GRM1: variants seen among roughly 807,000 people sequenced by gnomAD.
GRM1 encodes the protein glutamate metabotropic receptor 1, also known as metabotropic glutamate receptor 1.
Under a neutral mutation model 90.9 loss-of-function variants are expected in GRM1, and 33 were observed. The observed-to-expected ratio is 0.36, with a 90% CI of 0.28 to 0.49. The LOEUF (loss-of-function observed/expected upper bound fraction) is 0.49. GRM1 is among the 20% of genes least tolerant of loss of function. The probability of loss-of-function intolerance (pLI) is 0.99; values close to 1 mark genes in which losing one functional copy is unlikely to be tolerated. For synonymous variants in GRM1, 700 were observed against 613.2 expected (o/e 1.14, Z -2.09); for missense variants, 1,190 against 1,534.3 (o/e 0.78, Z 3.75).
At chr6:146,199,978 G>A (rs577717234) in intron 2 of GRM1, among the ~76,000 whole-genome samples, 2 of 152,220 alleles carry the variant, frequency 1.3e-5, no homozygotes, top group South Asian at 2.1e-4. Flanking sequence ...ATCTTTAACT[G>A]TTTCTAGGGA....
intron 2 of GRM1, among the ~76,000 whole-genome samples, chr6:146,219,903 TG>T (rs1780000024): frequency 6.7e-6 from 1 of 149,064 alleles, no homozygotes; most frequent in African/African-American, 2.6e-5. Context: ...TGAATCTTGT[TG>T]TTTTGTGTGT....
intron 3 of GRM1, among the ~76,000 whole-genome samples, chr6:146,338,511 A>G (rs1340141581): frequency 6.6e-6 from 1 of 152,214 alleles, no homozygotes; most frequent in African/African-American, 2.4e-5. Flanking sequence ...TATGGCTTAG[A>G]GTAGGACTCA....
intron 3 of GRM1, among the ~76,000 whole-genome samples, chr6:146,306,334 T>G (rs2114930149): frequency 6.6e-6 from 1 of 152,258 alleles, no homozygotes; most frequent in South Asian, 2.1e-4. Context: ...GACAGTCTCC[T>G]TATTTGCAAA....
chr6:146,239,379 A>G (rs1007619188), intron 2 of GRM1, among the ~76,000 whole-genome samples: 2 of 152,126 alleles, frequency 1.3e-5, no homozygotes, highest in African/African-American at 4.8e-5. Context: ...CACACACACT[A>G]TCTACACTGT....
intron 2 of GRM1, among the ~76,000 whole-genome samples, chr6:146,242,817 T>C (rs1780915315): frequency 6.6e-6 from 1 of 152,130 alleles, no homozygotes; most frequent in Non-Finnish European, 1.5e-5. Context: ...AAAAAGAATT[T>C]TACAGCACAC....
At position 146,288,791 on chromosome 6, in the gene GRM1, C is replaced by G. The variant is rs145626894; in HGVS notation, c.951-15820C>G. Among the ~76,000 whole-genome samples the G allele has an allele frequency of 5.0e-3, 763 of 152,218 alleles. 8 individuals are homozygous for G. Among genetic ancestry groups the G allele is most frequent in the Admixed American group, 0.018 (275 of 15,290 alleles). ...AAAGTGCTGGGATTACAGGTGTGAG[C>G]CATCGCGCGGGGCCAGAACATTTTA... is the stretch of plus-strand genomic sequence containing the variant. On this transcript the variant is annotated intron_variant, in intron 2 of 7. Transcript: ENST00000282753.
At chr6:146,368,223 T>G (rs957617260) in intron 5 of GRM1, among the ~76,000 whole-genome samples, 3 of 145,348 alleles carry the variant, frequency 2.1e-5, no homozygotes, top group Admixed American at 6.8e-5. Context: ...TCCTGCAAAT[T>G]TCCTGAATTC....
At chr6:146,393,083 G>A (rs2114554063) in intron 6 of GRM1, among the ~76,000 whole-genome samples, 1 of 152,202 alleles carries the variant, frequency 6.6e-6, no homozygotes, top group African/African-American at 2.4e-5. Context: ...GGTATTTCTG[G>A]TTCTAGATCC....
At chr6:146,181,391 A>G (rs1457413669) in intron 2 of GRM1, among the ~76,000 whole-genome samples, 1 of 152,226 alleles carries the variant, frequency 6.6e-6, no homozygotes, top group African/African-American at 2.4e-5. Flanking sequence ...ATCCTAGGAT[A>G]TGAACATATT....
chr6:146,418,765 A>G (rs1368144094), intron 7 of GRM1, among the ~76,000 whole-genome samples: 2 of 152,124 alleles, frequency 1.3e-5, no homozygotes, highest in Non-Finnish European at 2.9e-5. Context: ...TCATTCATTT[A>G]ACACTCATAA....
At chr6:146,149,781 G>A (rs1335773328) in intron 1 of GRM1, among the ~76,000 whole-genome samples, 1 of 152,132 alleles carries the variant, frequency 6.6e-6, no homozygotes, top group Non-Finnish European at 1.5e-5. Flanking sequence ...CACCCAATTT[G>A]TAGTAAATCC....
chr6:146,224,589 C>G (rs1011905464), intron 2 of GRM1, among the ~76,000 whole-genome samples: 2 of 152,134 alleles, frequency 1.3e-5, no homozygotes, highest in African/African-American at 2.4e-5. Flanking sequence ...AATGAAAAGT[C>G]CTACATTCAC....
At chr6:146,147,564 G>A (rs904292831) in intron 1 of GRM1, among the ~76,000 whole-genome samples, 2 of 152,162 alleles carry the variant, frequency 1.3e-5, no homozygotes, top group Non-Finnish European at 2.9e-5. Flanking sequence ...GAGACAGAAT[G>A]TTCAGAATAC....
intron 3 of GRM1, among the ~76,000 whole-genome samples, chr6:146,311,211 G>A (rs1783759726): frequency 6.6e-6 from 1 of 152,158 alleles, no homozygotes; most frequent in African/African-American, 2.4e-5. Flanking sequence ...ATCCTAGGCA[G>A]TTAAACTATT....
At chr6:146,246,273 C>T (rs1781057334) in intron 2 of GRM1, among the ~76,000 whole-genome samples, 1 of 152,132 alleles carries the variant, frequency 6.6e-6, no homozygotes, top group Admixed American at 6.5e-5. Context: ...AGGGCTTGAC[C>T]AGAGTACTTT....
chr6:146,209,989 T>C (rs1287513145), intron 2 of GRM1, among the ~76,000 whole-genome samples: 1 of 152,168 alleles, frequency 6.6e-6, no homozygotes, highest in East Asian at 1.9e-4. Flanking sequence ...ACTTTGCACA[T>C]GGGATTTTAT....
At chr6:146,187,003 A>G (rs74866850) in intron 2 of GRM1, among the ~76,000 whole-genome samples, 7 of 152,318 alleles carry the variant, frequency 4.6e-5, no homozygotes, top group African/African-American at 1.7e-4. Flanking sequence ...AAAGAAAGTC[A>G]CATGGCCACA....
intron 1 of GRM1, among the ~76,000 whole-genome samples, chr6:146,075,174 T>C (rs997539195): frequency 2.0e-5 from 3 of 152,216 alleles, no homozygotes; most frequent in African/African-American, 7.2e-5. Flanking sequence ...ATATTTGATA[T>C]ACTCCATAAA....
chr6:146,331,870 A>T (rs1250317007), intron 3 of GRM1, among the ~76,000 whole-genome samples: 1 of 152,154 alleles, frequency 6.6e-6, no homozygotes, highest in Non-Finnish European at 1.5e-5. Context: ...CCCTTGAAGA[A>T]CGGCCTTAAG....
Sources: allele counts gnomAD v4.1 joint callset (sites outside exome capture counted in the v4.1 genomes callset), GRCh38; gene constraint gnomAD v4.1.1; transcripts MANE v1.5; gene names NCBI Gene and HGNC (gene_info 2026-07-23, HGNC 2026-07-21).